CLCA1: variants seen among roughly 807,000 people sequenced by gnomAD.
CLCA1 encodes chloride channel accessory 1.
In CLCA1, 59 loss-of-function variants were observed where a neutral mutation model predicts 85.6. The ratio of observed to expected loss-of-function variants is 0.69; its 90% CI spans 0.56 to 0.86. The LOEUF (loss-of-function observed/expected upper bound fraction) is 0.86. Ranked by LOEUF, CLCA1 falls within the 40% of genes least tolerant of loss-of-function variation. CLCA1 has a pLI of 0.00. For missense variants in CLCA1, 1,022 were observed against 1,101.4 expected, an observed-to-expected ratio of 0.93 and a Z score of 1.02; for synonymous variants, 396 against 398.3, an observed-to-expected ratio of 0.99 and a Z score of 0.07.
chr1:86,492,802 G>A (rs865980977), intron 9 of CLCA1, among the ~76,000 whole-genome samples: 3 of 152,266 alleles, frequency 2.0e-5, no homozygotes, highest in African/African-American at 4.8e-5. Flanking sequence ...CAATCCATGC[G>A]TGGGTAAAAA....
chr1:86,475,372 A>G (rs1467769975), intron 3 of CLCA1, among the ~76,000 whole-genome samples: 2 of 152,214 alleles, frequency 1.3e-5, no homozygotes, highest in Admixed American at 1.3e-4. Context: ...TACATTCCAG[A>G]AAAACTGAGC....
intron 4 of CLCA1, among the ~76,000 whole-genome samples, chr1:86,479,639 A>G (rs1647763446): frequency 6.6e-6 from 1 of 152,220 alleles, no homozygotes; most frequent in Admixed American, 6.5e-5. Flanking sequence ...TAATCCCAGC[A>G]CTTTAGGAGG....
chr1:86,472,690 T>C (rs908161891), intron 1 of CLCA1, among the ~76,000 whole-genome samples: 7 of 152,230 alleles, frequency 4.6e-5, no homozygotes, highest in Non-Finnish European at 1.0e-4. Context: ...TTTGAAAATA[T>C]ATAATTATGC....
Position 86,491,272 on chromosome 1 carries a change from AC to A in CLCA1, c.1366del (p.Gln456ArgfsTer39), listed in dbSNP as rs760888343. 1.9e-6 allele frequency: 3 copies of A among 1,610,368 alleles called. No homozygotes were observed. Among genetic ancestry groups the A allele is most frequent in the Non-Finnish European group, 8.5e-7 (1 of 1,177,832 alleles). The stretch of plus-strand genomic sequence containing the variant: ...AATGTAATTGCATTTTAGGAGGTTT[AC>A]AGACATATGCTTCAGATCAAGTTCA... ...EELSKMTGGL[Q>X]TYASDQVQNN... On this transcript the variant is annotated frameshift_variant, in exon 9 of 14. Transcript: ENST00000394711. LOFTEE classifies it high-confidence loss of function.
At position 86,489,077 on chromosome 1, in the gene CLCA1, T is replaced by C. The variant is rs1193603367; in HGVS notation, c.1264T>C (p.Phe422Leu). 6.2e-7 allele frequency: 1 copy of C among 1,614,110 alleles called. No homozygotes were observed. Among genetic ancestry groups the C allele is most frequent in the Admixed American group, 1.7e-5 (1 of 60,000 alleles). The change falls in exon 8 of 14, where the codon TTT becomes CTT. Residue 422 changes from phenylalanine (F) to leucine (L), a missense_variant. Coordinates refer to ENST00000394711, the MANE Select transcript of CLCA1 (RefSeq NM_001285.4). ...GGAAGACAACACTATAAGTGGGTGC[T>C]TTAACGAGGTCAAACAAAGTGGTGC... is the stretch of plus-strand genomic sequence containing the variant. ...DGEDNTISGC[F>L]NEVKQSGAII... is the part of the protein sequence containing the mutation.
Position 86,493,521 on chromosome 1 carries a change from C to T in CLCA1, c.1602C>T (p.Pro534=). The change falls in exon 10 of 14, where the codon CCC becomes CCT. Residue 534 remains proline, a synonymous_variant. Transcript: ENST00000394711. ...MQPPQILLWD[P]SGQKQGGFVV... ...CTCCCCAAATCCTTCTCTGGGATCC[C>T]AGTGGACAGAAGCAAGGTGGCTTTG... is the stretch of plus-strand genomic sequence containing the variant. 1 of 1,614,074 alleles carries T rather than the reference C, an allele frequency of 6.2e-7. No individual in the cohort carries two copies. Among genetic ancestry groups the T allele is most frequent in the East Asian group, 2.2e-5 (1 of 44,880 alleles).
rs776166343 is a variant in CLCA1 at position 86,476,487 on chromosome 1, G to A, written c.491G>A (p.Gly164Glu). 1 of 1,605,812 alleles carries A rather than the reference G, an allele frequency of 6.2e-7. No individual in the cohort carries two copies. The highest frequency in any genetic ancestry group is 8.5e-7 in the Non-Finnish European group (1 of 1,172,728). The change falls in exon 4 of 14, where the codon GGA (glycine) becomes GAA (glutamate). Residue 164 changes from glycine to glutamate, a missense_variant. Transcript: ENST00000394711. ...FVHEWAHLRWGVFDEYNNDEK... is the reference protein window; with the variant it reads ...FVHEWAHLRWEVFDEYNNDEK... ...CATGAGTGGGCTCATCTACGATGGG[G>A]AGTATTTGACGAGTACAATAATGAT...
At chr1:86,470,005 T>C (rs918609332) in intron 1 of CLCA1, among the ~76,000 whole-genome samples, 1 of 152,200 alleles carries the variant, frequency 6.6e-6, no homozygotes, top group African/African-American at 2.4e-5. Context: ...TCTAAATTTA[T>C]CTCAGAACTT....
At chr1:86,474,613 T>C (rs1334260789) in intron 3 of CLCA1, among the ~76,000 whole-genome samples, 2 of 151,752 alleles carry the variant, frequency 1.3e-5, no homozygotes, top group African/African-American at 2.4e-5. Context: ...CTCAAGAATC[T>C]GCATTTTTAA....
rs751171709 is a variant in CLCA1 at position 86,499,692 on chromosome 1, G to C, written c.2392G>C (p.Asp798His). The change falls in exon 14 of 14, where the codon GAT (aspartate) becomes CAT (histidine). Residue 798 changes from aspartate (D) to histidine (H), a missense_variant. Transcript: ENST00000394711. ...YIIRISTSIL[D>H]LRDKFNESLQ... ...CATTCGAATAAGTACAAGTATTCTT[G>C]ATCTCAGAGACAAGTTCAATGAATC... 6.2e-7 allele frequency: 1 copy of C among 1,600,636 alleles called. No individual in the cohort carries two copies. The highest frequency in any genetic ancestry group is 8.6e-7 in the Non-Finnish European group (1 of 1,168,754).
chr1:86,482,521 G>T, intron 5 of CLCA1, 139 bp downstream of exon 5: 1 of 778,954 alleles, frequency 1.3e-6, no homozygotes, highest in South Asian at 2.1e-5. Flanking sequence ...AGCTGGGTGT[G>T]CAAGTCAAGG....
intron 5 of CLCA1, among the ~76,000 whole-genome samples, chr1:86,484,493 G>A (rs1647907532): frequency 6.6e-6 from 1 of 152,188 alleles, no homozygotes; most frequent in Non-Finnish European, 1.5e-5. Flanking sequence ...CCAAGTCATA[G>A]AGTTTGCCAT....
Position 86,494,226 on chromosome 1 carries a change from A to G in CLCA1, c.1720A>G (p.Thr574Ala). The G allele has an allele frequency of 1.2e-6, 2 of 1,614,166 alleles. No homozygotes were observed. The highest frequency in any genetic ancestry group is 1.7e-6 in the Non-Finnish European group (2 of 1,180,026). Residue 574 changes from threonine to alanine, a missense_variant, in exon 11 of 14, where the codon ACC becomes GCC. Thr to Ala is a moderately conservative substitution (Grantham distance 58). Transcript: ENST00000394711. ...ATACAGTCTGCAAGCAAGCTCACAA[A>G]CCTTGACCCTGACTGTCACGTCCCG... The part of the protein sequence containing the change: ...WKYSLQASSQ[T>A]LTLTVTSRAS...
chr1:86,493,799 T>C (rs1648202475), intron 10 of CLCA1, among the ~76,000 whole-genome samples, 200 bp downstream of exon 10: 1 of 152,184 alleles, frequency 6.6e-6, no homozygotes, highest in African/African-American at 2.4e-5. Context: ...AAATAGGTGA[T>C]ATTTTGTCCA....
intron 1 of CLCA1, among the ~76,000 whole-genome samples, chr1:86,470,715 G>A (rs1647478061): frequency 6.6e-6 from 1 of 152,154 alleles, no homozygotes; most frequent in African/African-American, 2.4e-5. Context: ...TTAGTGAATA[G>A]AATGCTCAAA....
intron 8 of CLCA1, among the ~76,000 whole-genome samples, 163 bp from the exon 9 acceptor site, chr1:86,491,102 C>G (rs2753342): frequency 0.85 from 128,931 of 151,896 alleles, 54,797 homozygotes; most frequent in South Asian, 0.92. Context: ...TAAAAAAATA[C>G]TATCAAATTC....
intron 1 of CLCA1, among the ~76,000 whole-genome samples, chr1:86,472,934 TATAC>T (rs1181618908): frequency 6.6e-6 from 1 of 152,218 alleles, no homozygotes. Flanking sequence ...CCTTGAGAAT[TATAC>T]TAAGTCTCAG....
intron 13 of CLCA1, 27 bp from the exon 14 acceptor site, chr1:86,499,627 A>G: frequency 7.0e-7 from 1 of 1,423,942 alleles, no homozygotes; most frequent in East Asian, 2.3e-5. Context: ...TCAGAATTAA[A>G]GTCACATTCT....
At chr1:86,483,851 ATATC>A (rs1647885226) in intron 5 of CLCA1, among the ~76,000 whole-genome samples, 1 of 152,198 alleles carries the variant, frequency 6.6e-6, no homozygotes, top group Non-Finnish European at 1.5e-5. Flanking sequence ...TCTATAAACT[ATATC>A]TAAGACTGGA....
Sources: allele counts gnomAD v4.1 joint callset (sites outside exome capture counted in the v4.1 genomes callset), GRCh38; gene constraint gnomAD v4.1.1; transcripts MANE v1.5; gene names NCBI Gene and HGNC (gene_info 2026-07-23, HGNC 2026-07-21).